CADM2: variants seen among roughly 807,000 people sequenced by gnomAD.
CADM2 encodes the protein immunoglobulin superfamily member 4D.
A neutral mutation model predicts 49.8 loss-of-function variants in CADM2; 12 were observed. That is an observed-to-expected ratio of 0.24 (90% CI 0.15 to 0.39). The LOEUF is 0.39. Ranked by LOEUF, CADM2 falls within the 10% of genes least tolerant of loss-of-function variation. CADM2 has a pLI of 1.00. For synonymous variants in CADM2, 214 were observed against 175.4 expected (o/e 1.22, Z -1.74); for missense variants, 378 against 492.3 (o/e 0.77, Z 2.20).
intron 1 of CADM2, among the ~76,000 whole-genome samples, chr3:85,578,611 G>A (rs1263672504): frequency 2.0e-5 from 3 of 152,204 alleles, no homozygotes; most frequent in African/African-American, 7.2e-5. Flanking sequence ...TATTCTTCAT[G>A]AAACAGCATC....
intron 2 of CADM2, among the ~76,000 whole-genome samples, chr3:85,767,389 T>G (rs946548434): frequency 6.6e-6 from 1 of 152,142 alleles, no homozygotes; most frequent in Non-Finnish European, 1.5e-5. Flanking sequence ...AAAATTGTGT[T>G]TTCACCCTCA....
At chr3:85,047,389 A>G in intron 1 of CADM2, among the ~76,000 whole-genome samples, 1 of 152,140 alleles carries the variant, frequency 6.6e-6, no homozygotes, top group Non-Finnish European at 1.5e-5. Context: ...CAACAATGGA[A>G]ATTACAATAA....
At chr3:85,346,689 T>C (rs1314204769) in intron 1 of CADM2, among the ~76,000 whole-genome samples, 3 of 152,196 alleles carry the variant, frequency 2.0e-5, no homozygotes, top group African/African-American at 7.2e-5. Context: ...CAAATTCTCT[T>C]AAAAATCTTC....
chr3:85,437,347 T>C (rs61002332), intron 1 of CADM2, among the ~76,000 whole-genome samples: 242 of 152,274 alleles, frequency 1.6e-3, no homozygotes, highest in African/African-American at 5.7e-3. Context: ...ATACAGCTTT[T>C]AACTCCTTTG....
chr3:84,978,727 T>A (rs1221466871), intron 1 of CADM2, among the ~76,000 whole-genome samples: 1 of 152,158 alleles, frequency 6.6e-6, no homozygotes, highest in Non-Finnish European at 1.5e-5. Context: ...TTCTTTTTTA[T>A]CAGAAATTTT....
intron 1 of CADM2, among the ~76,000 whole-genome samples, chr3:85,648,024 A>G (rs1256628932): frequency 1.3e-5 from 2 of 151,838 alleles, no homozygotes; most frequent in Non-Finnish European, 3.0e-5. Flanking sequence ...TGCAATTGAA[A>G]TGAGTTACAT....
chr3:85,363,005 A>G (rs921126634), intron 1 of CADM2, among the ~76,000 whole-genome samples: 1 of 152,186 alleles, frequency 6.6e-6, no homozygotes, highest in East Asian at 1.9e-4. Context: ...GGTGTCATGG[A>G]TAAAATCTAA....
chr3:85,769,241 T>C (rs1035334086), intron 2 of CADM2, among the ~76,000 whole-genome samples: 1 of 118,730 alleles, frequency 8.4e-6, no homozygotes, highest in African/African-American at 3.6e-5. Flanking sequence ...CATATACACA[T>C]ATATACATAT....
At chr3:85,222,583 C>T (rs192500615) in intron 1 of CADM2, among the ~76,000 whole-genome samples, 4 of 152,258 alleles carry the variant, frequency 2.6e-5, no homozygotes, top group Admixed American at 2.6e-4. Flanking sequence ...TAATCTGTAA[C>T]ATGTGTAATC....
intron 1 of CADM2, among the ~76,000 whole-genome samples, chr3:85,036,650 C>G (rs561255971): frequency 6.6e-5 from 10 of 152,196 alleles, no homozygotes; most frequent in East Asian, 1.9e-4. Flanking sequence ...AGAAGTAACT[C>G]TATTATATCC....
In CADM2 at chr3:86,067,122, T is replaced by C. The variant is rs1228672988; in HGVS notation, c.*339T>C. 5.2e-6 allele frequency: 1 copy of C among 192,948 alleles called. No homozygotes were observed. The highest frequency in any genetic ancestry group is 1.1e-5 in the Non-Finnish European group (1 of 93,128). The allele number at this position is 192,948 out of a possible 1,614,324, so 12.0% of individuals were successfully genotyped here. On this transcript the variant is annotated 3_prime_UTR_variant, in exon 10 of 10. Transcript: ENST00000383699. ...CATTAAAAAATGTATGCAGAGTTTT[T>C]TTCCCCCATTTTTTCCCCTTTAAGT...
intron 1 of CADM2, among the ~76,000 whole-genome samples, chr3:84,994,062 T>A (rs1366403448): frequency 6.6e-6 from 1 of 152,134 alleles, no homozygotes; most frequent in African/African-American, 2.4e-5. Flanking sequence ...ATGTTTCAGT[T>A]GTTAGGTAAT....
intron 2 of CADM2, among the ~76,000 whole-genome samples, chr3:85,781,107 G>A (rs2070618785): frequency 6.6e-6 from 1 of 152,116 alleles, no homozygotes; most frequent in Non-Finnish European, 1.5e-5. Flanking sequence ...ACTGGCCAAT[G>A]AAGCCCAGTT....
chr3:85,396,564 G>A (rs2034802616), intron 1 of CADM2, among the ~76,000 whole-genome samples: 2 of 151,966 alleles, frequency 1.3e-5, no homozygotes, highest in South Asian at 4.1e-4. Context: ...ACGCTATGCA[G>A]TCTGTAGAAA....
rs11329456 is a variant in CADM2, at chr3:85,175,919, C to CTT, written c.61+216277_61+216278dup. 8.7e-4 allele frequency among the ~76,000 whole-genome samples: 66 copies of CTT among 76,256 alleles called. 3 individuals carry two copies. The highest frequency in any genetic ancestry group is 7.4e-3 in the South Asian group (15 of 2,038). 50.0% of individuals were successfully genotyped at this position (76,256 alleles called of 152,430 possible). On this transcript the variant is annotated intron_variant, in intron 1 of 9. Transcript: ENST00000383699. ...CAGTTTATCTGAGTTATGTCCTAAT[C>CTT]TTTTTTTTTTTTTTTTTTTTTTTTT...
chr3:85,510,303 A>G (rs2040555417), intron 1 of CADM2, among the ~76,000 whole-genome samples: 1 of 152,086 alleles, frequency 6.6e-6, no homozygotes, highest in Non-Finnish European at 1.5e-5. Context: ...CTACCATTTT[A>G]CAACACAAGA....
chr3:85,213,247 G>T (rs1278062003), intron 1 of CADM2, among the ~76,000 whole-genome samples: 1 of 151,942 alleles, frequency 6.6e-6, no homozygotes, highest in Non-Finnish European at 1.5e-5. Context: ...TTGTAGAACA[G>T]GTCTGATGTT....
chr3:85,489,555 A>G (rs1156555441), intron 1 of CADM2, among the ~76,000 whole-genome samples: 1 of 152,158 alleles, frequency 6.6e-6, no homozygotes. Context: ...ACTTTGCTAG[A>G]TGACGAGTTA....
chr3:85,927,044 G>A (rs938507443), intron 6 of CADM2, among the ~76,000 whole-genome samples: 3 of 152,170 alleles, frequency 2.0e-5, no homozygotes, highest in Non-Finnish European at 4.4e-5. Context: ...TCTGTACAAT[G>A]AGGAGAGCAC....
Sources: allele counts gnomAD v4.1 joint callset (sites outside exome capture counted in the v4.1 genomes callset), GRCh38; gene constraint gnomAD v4.1.1; transcripts MANE v1.5; gene names NCBI Gene and HGNC (gene_info 2026-07-23, HGNC 2026-07-21).